R3HDM2: variants seen among roughly 807,000 people sequenced by gnomAD.
R3HDM2 encodes the protein R3H domain containing 2, also known as R3H domain-containing protein 2.
R3HDM2 carries 38 observed loss-of-function variants against 124.5 expected under a neutral mutation model. The ratio of observed to expected loss-of-function variants is 0.31; its 90% CI spans 0.24 to 0.40. The LOEUF (loss-of-function observed/expected upper bound fraction) is 0.40. Among genes scored for constraint, R3HDM2 ranks in the 10% least tolerant of loss-of-function variants. R3HDM2 has a pLI of 1.00. For synonymous variants in R3HDM2, 391 were observed against 448.0 expected (o/e 0.87, Z 1.61); for missense variants, 869 against 1,236.9 (o/e 0.70, Z 4.46).
rs780938243 is a variant in R3HDM2, at chr12:57,269,364, G to A, written c.1673C>T (p.Pro558Leu). The A allele has an allele frequency of 1.9e-6, 3 of 1,613,984 alleles. No individual in the cohort carries two copies. Among genetic ancestry groups the A allele is most frequent in the South Asian group, 1.1e-5 (1 of 91,078 alleles). Reference sequence around the variant, plus strand: ...CTGAGGCAGCTGCTGACCACGTTGGGGGCTATAGGCCACCGGGTGAGAGAG... The same window carrying A: ...CTGAGGCAGCTGCTGACCACGTTGGAGGCTATAGGCCACCGGGTGAGAGAG... ...RPLSHPVAYS[P>L]QRGQQLPQPS... The change falls in exon 16 of 24, where the codon CCC becomes CTC. Residue 558 changes from proline (P) to leucine (L), a missense_variant. By Grantham distance (98) the Pro-to-Leu change is moderately conservative. Coordinates refer to ENST00000402412, the MANE Select transcript of R3HDM2 (RefSeq NM_001394031.1).
At chr12:57,362,537 G>C (rs2062077638) in intron 2 of R3HDM2, among the ~76,000 whole-genome samples, 1 of 152,194 alleles carries the variant, frequency 6.6e-6, no homozygotes. Context: ...ACGATTAATA[G>C]TTAAGTTTCT....
At chr12:57,381,721 T>C (rs1319338516) in intron 2 of R3HDM2, among the ~76,000 whole-genome samples, 1 of 151,892 alleles carries the variant, frequency 6.6e-6, no homozygotes, top group Non-Finnish European at 1.5e-5. Flanking sequence ...TGTTTATTGA[T>C]GTTATTCACA....
chr12:57,317,467 G>A (rs1052215537), intron 2 of R3HDM2, among the ~76,000 whole-genome samples: 7 of 152,010 alleles, frequency 4.6e-5, no homozygotes, highest in Admixed American at 2.0e-4. Flanking sequence ...TTACAGATGT[G>A]AGCCACCATG....
Position 57,280,529 on chromosome 12 carries a change from A to G in R3HDM2, c.1173T>C (p.Gly391=). Residue 391 remains glycine, a splice_region_variant and synonymous_variant, in exon 14 of 24, where the codon GGT becomes GGC. Coordinates refer to ENST00000402412, the MANE Select transcript of R3HDM2 (RefSeq NM_001394031.1). ...GGSAGRISRP[G]MALGAPEVCN... Reference sequence around the variant, plus strand: ...ACACTTCTGGGGCACCTAGTGCCATACCTAAGGCAAAGAAGAAACCCACAA... The same window carrying G: ...ACACTTCTGGGGCACCTAGTGCCATGCCTAAGGCAAAGAAGAAACCCACAA... 6.3e-7 allele frequency: 1 copy of G among 1,590,492 alleles called. No individual in the cohort carries two copies. Among genetic ancestry groups the G allele is most frequent in the Non-Finnish European group, 8.6e-7 (1 of 1,168,446 alleles).
intron 2 of R3HDM2, among the ~76,000 whole-genome samples, chr12:57,367,206 T>C (rs1040493605): frequency 9.8e-5 from 15 of 152,292 alleles, no homozygotes; most frequent in African/African-American, 3.6e-4. Context: ...CCTTTATTCC[T>C]CAACTAATCC....
intron 14 of R3HDM2, among the ~76,000 whole-genome samples, chr12:57,276,764 G>A (rs552380136): frequency 5.2e-4 from 79 of 152,200 alleles, no homozygotes; most frequent in African/African-American, 1.9e-3. Flanking sequence ...GTGCGTGCCT[G>A]TAATCCCAGC....
At position 57,393,433 on chromosome 12, in the gene R3HDM2, A is replaced by T. The variant is rs76747836; in HGVS notation, c.-36+2316T>A. The stretch of plus-strand genomic sequence containing the variant: ...TACACTTGAACTCGTAGTGCCTGTG[A>T]ATAGCCACTATACTCCAGCCTGGGC... On this transcript the variant is annotated intron_variant, in intron 2 of 23. Transcript: ENST00000402412. Among the ~76,000 whole-genome samples the T allele has an allele frequency of 6.3e-4, 96 of 152,242 alleles. 1 individual carries two copies. In the East Asian group the frequency reaches 0.015, roughly 23 times the overall value.
intron 14 of R3HDM2, among the ~76,000 whole-genome samples, chr12:57,274,187 G>A (rs1445731328): frequency 6.6e-6 from 1 of 151,960 alleles, no homozygotes; most frequent in Non-Finnish European, 1.5e-5. Flanking sequence ...ACAGTAAAGT[G>A]GTTAAAAAAA....
In R3HDM2 at chr12:57,254,764, C is replaced by T; in HGVS notation, c.*9G>A. 6.6e-7 allele frequency: 1 copy of T among 1,515,884 alleles called. No homozygotes were observed. Among genetic ancestry groups the T allele is most frequent in the East Asian group, 2.3e-5 (1 of 44,280 alleles). 93.9% of individuals were successfully genotyped at this position (1,515,884 alleles called of 1,614,324 possible). On this transcript the variant is annotated 3_prime_UTR_variant, in exon 24 of 24. Transcript: ENST00000402412. ...CTCCTTCTGTGACAGTCCCTTTCCCCTCCTCCATTTATTGGGAGCTGGCTC... is the reference window on the plus strand; with the variant it reads ...CTCCTTCTGTGACAGTCCCTTTCCCTTCCTCCATTTATTGGGAGCTGGCTC...
rs190182649 is a variant in R3HDM2 at position 57,356,062 on chromosome 12, C to T, written c.-36+39687G>A. 4.5e-4 allele frequency among the ~76,000 whole-genome samples: 68 copies of T among 152,218 alleles called. 1 individual carries two copies. Among genetic ancestry groups the T allele is most frequent in the Non-Finnish European group, 8.4e-4 (57 of 68,014 alleles). On this transcript the variant is annotated intron_variant, in intron 2 of 23. Transcript: ENST00000402412. ...CTTATGCCTTTTACTGTTTCCCCCA[C>T]CCCCTTACTTAGTACACTGACCAGA...
intron 2 of R3HDM2, among the ~76,000 whole-genome samples, chr12:57,385,532 A>C: frequency 6.6e-6 from 1 of 151,912 alleles, no homozygotes; most frequent in East Asian, 1.9e-4. Context: ...ATGAGCCACC[A>C]TGCCTGGCCT....
intron 2 of R3HDM2, among the ~76,000 whole-genome samples, chr12:57,382,631 T>C (rs971715475): frequency 5.4e-5 from 8 of 148,410 alleles, no homozygotes; most frequent in Admixed American, 2.7e-4. Context: ...GGTCAGGAGA[T>C]AGAGACCATC....
In R3HDM2 at chr12:57,295,292, C is replaced by T. The variant is rs1006821488; in HGVS notation, c.810+107G>A. ...CTCCGTATAGCTCAATACATTTCTC[C>T]GTACTAAGATATTTTGAGTTTTCTC... is the stretch of plus-strand genomic sequence containing the variant. On this transcript the variant is annotated intron_variant, in intron 10 of 23. Coordinates refer to ENST00000402412, the MANE Select transcript of R3HDM2 (RefSeq NM_001394031.1). 3.1e-5 allele frequency: 23 copies of T among 743,132 alleles called. No individual in the cohort carries two copies. In the East Asian group the frequency reaches 3.5e-4, roughly 11 times the overall value. 46.0% of individuals were successfully genotyped at this position (743,132 alleles called of 1,614,324 possible). A position where few individuals can be genotyped will look rare whatever the true frequency, so the allele number is the denominator to read the frequency against.
chr12:57,418,929 T>G (rs1386652047), intron 1 of R3HDM2, among the ~76,000 whole-genome samples: 1 of 152,192 alleles, frequency 6.6e-6, no homozygotes, highest in Non-Finnish European at 1.5e-5. Flanking sequence ...CTAAATCCAG[T>G]ATAAGTATTT....
chr12:57,289,839 T>C (rs1464910414), intron 11 of R3HDM2, among the ~76,000 whole-genome samples: 1 of 152,202 alleles, frequency 6.6e-6, no homozygotes, highest in Non-Finnish European at 1.5e-5. Context: ...TCCTTTCTTT[T>C]TGGCCTGCCT....
intron 2 of R3HDM2, among the ~76,000 whole-genome samples, chr12:57,336,042 A>G (rs1261624398): frequency 2.6e-5 from 4 of 151,992 alleles, no homozygotes; most frequent in East Asian, 1.9e-4. Context: ...AACACCCACA[A>G]TGAGATACCA....
chr12:57,352,291 A>G (rs1277402565), intron 2 of R3HDM2, among the ~76,000 whole-genome samples: 1 of 151,786 alleles, frequency 6.6e-6, no homozygotes. Flanking sequence ...ATCTTTAATG[A>G]AAAACTTATG....
intron 2 of R3HDM2, among the ~76,000 whole-genome samples, chr12:57,357,821 T>C (rs766654626): frequency 6.6e-5 from 10 of 152,054 alleles, no homozygotes; most frequent in Non-Finnish European, 1.5e-4. Context: ...AGCACTTCAT[T>C]AATTGCATCC....
intron 2 of R3HDM2, among the ~76,000 whole-genome samples, chr12:57,340,686 A>C (rs919223710): frequency 1.3e-5 from 2 of 152,232 alleles, no homozygotes; most frequent in East Asian, 3.8e-4. Flanking sequence ...ACAGAACAGA[A>C]GAGAAAATAA....
Sources: gnomAD v4.1 joint callset for allele counts (sites outside exome capture counted in the v4.1 genomes callset) on GRCh38, gnomAD v4.1.1 for gene constraint, MANE v1.5 for transcripts, NCBI Gene and HGNC (gene_info 2026-07-23, HGNC 2026-07-21) for gene names.